The following OFD1 variants were observed in gnomAD, a reference collection of about 807,000 sequenced individuals.
OFD1 encodes the protein OFD1 centriole and centriolar satellite protein.
In OFD1, 12 loss-of-function variants were observed where a neutral mutation model predicts 81.4. That is an observed-to-expected ratio of 0.15 (90% CI 0.09 to 0.24). The LOEUF (loss-of-function observed/expected upper bound fraction) is 0.24, where lower values mean the gene tolerates loss of function less well. Among genes scored for constraint, OFD1 ranks in the 10% least tolerant of loss-of-function variants. The pLI, the probability that OFD1 is intolerant of heterozygous loss-of-function variation, is 1.00. For synonymous variants in OFD1, 256 were observed against 263.7 expected (o/e 0.97, Z 0.28); for missense variants, 685 against 733.9 (o/e 0.93, Z 0.77).
At chrX:13,767,914 A>G (rs1049792515) in intron 20 of OFD1, 140 bp from the exon 21 acceptor site, 1 of 549,759 alleles carries the variant, frequency 1.8e-6, no homozygotes, top group African/African-American at 2.3e-5. Flanking sequence ...GATGATAGCA[A>G]TGACTTCAAT....
In OFD1 at chrX:13,766,797, C is replaced by T. The variant is rs1482258769; in HGVS notation, c.2600-330C>T. Among the ~76,000 whole-genome samples, 3 of 110,831 alleles carry T rather than the reference C, an allele frequency of 2.7e-5. No individual in the cohort carries two copies. In the Admixed American group the frequency reaches 2.9e-4, roughly 11 times the overall value. On this transcript the variant is annotated intron_variant, in intron 19 of 22. Coordinates refer to ENST00000340096, the MANE Select transcript of OFD1 (RefSeq NM_003611.3). ...ATAGGGGAGGGATTATAATCAAAGG[C>T]AGAGGCAGAAATGCAGGGTTTGCCT...
At chrX:13,742,032 T>A (rs1414721429) in intron 5 of OFD1, among the ~76,000 whole-genome samples, 2 of 112,060 alleles carry the variant, frequency 1.8e-5, no homozygotes, top group Admixed American at 9.5e-5. Flanking sequence ...CAGAAAATGA[T>A]GTGCACAAAA....
chrX:13,717,052 A>AC, the OFD1 span, among the ~76,000 whole-genome samples: 1 of 105,240 alleles, frequency 9.5e-6, no homozygotes, highest in Non-Finnish European at 2.0e-5. Flanking sequence ...AAAAAAAAAA[A>AC]AAAAAAAAAA....
chrX:13,736,114 G>A, intron 2 of OFD1: 1 of 841,123 alleles, frequency 1.2e-6, no homozygotes, highest in Non-Finnish European at 1.4e-6. Context: ...ACAGTCCACA[G>A]AGGTGTGATG....
intron 5 of OFD1, among the ~76,000 whole-genome samples, chrX:13,743,265 G>A (rs2047175877): frequency 8.9e-6 from 1 of 112,169 alleles, no homozygotes; most frequent in Non-Finnish European, 1.9e-5. Flanking sequence ...ACAATCAATT[G>A]GGATTATATC....
chrX:13,733,308 T>C (rs2046720663), upstream of OFD1, among the ~76,000 whole-genome samples: 1 of 111,876 alleles, frequency 8.9e-6, no homozygotes, highest in Non-Finnish European at 1.9e-5. Context: ...GCTCCACGTG[T>C]CTTTTCTCAG....
At chrX:13,746,209 A>G (rs2047290113) in intron 6 of OFD1, 110 bp from the exon 7 acceptor site, 4 of 663,655 alleles carry the variant, frequency 6.0e-6, no homozygotes, top group Admixed American at 2.6e-5. Context: ...GTTGCAGATA[A>G]TCCCTACACT....
the OFD1 span, among the ~76,000 whole-genome samples, chrX:13,722,891 A>G: frequency 2.2e-3 from 246 of 110,802 alleles, 1 homozygote; most frequent in African/African-American, 7.6e-3. Context: ...GTGAAACCCC[A>G]TCTCTACTAA....
chrX:13,735,401 T>C, intron 2 of OFD1, 55 bp downstream of exon 2: 1 of 895,397 alleles, frequency 1.1e-6, no homozygotes, highest in South Asian at 2.0e-5. Context: ...CTGTAACAGG[T>C]AGTTCAAATT....
chrX:13,740,071 A>G, intron 5 of OFD1: 1 of 950,279 alleles, frequency 1.1e-6, no homozygotes, highest in Non-Finnish European at 1.3e-6. Context: ...AATCATTTGA[A>G]TACTTATTTT....
chrX:13,735,989 T>C, intron 2 of OFD1: 1 of 192,947 alleles, frequency 5.2e-6, no homozygotes, highest in African/African-American at 3.1e-5. Flanking sequence ...CATTTCCCTG[T>C]TTCCTTAAAA....
At position 13,749,421 on chromosome X, in the gene OFD1, A is replaced by G. The variant is rs372044938; in HGVS notation, c.829-6A>G. On this transcript the variant is annotated splice_region_variant and splice_polypyrimidine_tract_variant and intron_variant, in intron 8 of 22. Transcript: ENST00000340096. ...GCTTGCTAAAAATTAATGCTTTTCT[A>G]TACAGATTGAAACAAAAGAAATTTA... 3 of 1,082,878 alleles carry G rather than the reference A, an allele frequency of 2.8e-6. No homozygotes were observed. The African/African-American group carries it at 5.5e-5, about 20-fold the overall frequency. The allele number at this position is 1,082,878 out of a possible 1,213,427, so 89.2% of individuals were successfully genotyped here.
At chrX:13,744,752 A>G (rs1209735587) in intron 6 of OFD1, among the ~76,000 whole-genome samples, 1 of 112,106 alleles carries the variant, frequency 8.9e-6, no homozygotes, top group Non-Finnish European at 1.9e-5. Flanking sequence ...CAGGGATTCA[A>G]AGGCCCATAT....
rs1185276441 is a variant in OFD1, at chrX:13,748,418, G to A, written c.829-1009G>A. On this transcript the variant is annotated intron_variant, in intron 8 of 22. Coordinates refer to ENST00000340096, the MANE Select transcript of OFD1 (RefSeq NM_003611.3). Reference sequence around the variant, plus strand: ...ATGTCACCTGGGTGATGCCGTCCCTGACTCCCACTGAGCGACCCATTTAGG... The same window carrying A: ...ATGTCACCTGGGTGATGCCGTCCCTAACTCCCACTGAGCGACCCATTTAGG... Among the ~76,000 whole-genome samples the A allele has an allele frequency of 2.7e-5, 3 of 112,256 alleles. No individual in the cohort carries two copies. In the East Asian group the frequency reaches 8.4e-4, roughly 31 times the overall value.
chrX:13,721,612 C>G, the OFD1 span: 1 of 111,860 alleles, frequency 8.9e-6, no homozygotes, highest in Admixed American at 9.5e-5. Context: ...ACAATGAAAT[C>G]AGAAGAAATC....
intron 17 of OFD1, 98 bp downstream of exon 17, chrX:13,761,309 A>T: frequency 4.5e-6 from 4 of 890,719 alleles, no homozygotes; most frequent in Non-Finnish European, 6.5e-6. Context: ...TTTTGAGATA[A>T]TTATTATAGA....
chrX:13,758,555 A>G (rs2047802824), intron 15 of OFD1, 107 bp downstream of exon 15: 2 of 498,155 alleles, frequency 4.0e-6, no homozygotes, highest in Non-Finnish European at 6.9e-6. Context: ...GTTTTAGGGG[A>G]AAAGCCATAG....
chrX:13,721,317 AAC>A, the OFD1 span: 3 of 112,382 alleles, frequency 2.7e-5, no homozygotes, highest in African/African-American at 9.7e-5. Context: ...AAATAGTGCT[AAC>A]ACTGTAGCAC....
the OFD1 span, chrX:13,720,004 C>G: frequency 1.0e-6 from 1 of 990,613 alleles, no homozygotes; most frequent in Non-Finnish European, 1.3e-6. Flanking sequence ...AAAAATAGTA[C>G]ATATTTTTAG....
Sources: gnomAD v4.1 joint callset for allele counts (sites outside exome capture counted in the v4.1 genomes callset) on GRCh38, gnomAD v4.1.1 for gene constraint, MANE v1.5 for transcripts, NCBI Gene and HGNC (gene_info 2026-07-23, HGNC 2026-07-21) for gene names.